Variants in NKAIN3 observed in about 807,000 individuals in gnomAD.
The protein encoded by NKAIN3 is sodium/potassium-transporting ATPase subunit beta-1-interacting protein 3.
NKAIN3 carries 25 observed loss-of-function variants against 30.2 expected under a neutral mutation model. That is an observed-to-expected ratio of 0.83 (90% CI 0.60 to 1.16). NKAIN3 has a LOEUF of 1.16. NKAIN3 is among the 50% of genes most tolerant of loss of function. The pLI, the probability that NKAIN3 is intolerant of heterozygous loss-of-function variation, is 0.00. For synonymous variants in NKAIN3, 91 were observed against 89.6 expected (o/e 1.02, Z -0.09); for missense variants, 225 against 254.1 (o/e 0.89, Z 0.78).
At chr8:62,827,792 A>G (rs1483556532) in intron 4 of NKAIN3, among the ~76,000 whole-genome samples, 3 of 152,222 alleles carry the variant, frequency 2.0e-5, no homozygotes, top group Non-Finnish European at 4.4e-5. Flanking sequence ...TCTAATAATT[A>G]ACATTAAGAA....
At chr8:62,746,891 A>G (rs1176236435) in intron 3 of NKAIN3, 41 bp from the exon 4 acceptor site, 1 of 1,436,902 alleles carries the variant, frequency 7.0e-7, no homozygotes, top group Non-Finnish European at 9.8e-7. Context: ...GTGATGTAAT[A>G]CAATTTCCTC....
chr8:62,835,311 C>A (rs1819324926), intron 4 of NKAIN3, among the ~76,000 whole-genome samples: 1 of 151,906 alleles, frequency 6.6e-6, no homozygotes, highest in South Asian at 2.1e-4. Flanking sequence ...AAAAACAAAA[C>A]TTGACAAATG....
chr8:62,396,251 G>A (rs1451889672), intron 1 of NKAIN3, among the ~76,000 whole-genome samples: 2 of 152,120 alleles, frequency 1.3e-5, no homozygotes, highest in South Asian at 4.1e-4. Flanking sequence ...CACTATAGAA[G>A]CTTCCCTTGT....
intron 1 of NKAIN3, among the ~76,000 whole-genome samples, chr8:62,423,060 G>A (rs1283599441): frequency 6.6e-6 from 1 of 152,134 alleles, no homozygotes; most frequent in South Asian, 2.1e-4. Flanking sequence ...CATTTTCAAG[G>A]TAGCTGGGAA....
chr8:62,903,920 C>A (rs1326706102), intron 4 of NKAIN3, among the ~76,000 whole-genome samples: 24 of 152,102 alleles, frequency 1.6e-4, no homozygotes, highest in Non-Finnish European at 4.4e-5. Context: ...GGGGAAACCA[C>A]CCCCATGATT....
rs1229128522 is a variant in NKAIN3 at position 62,707,449 on chromosome 8, T to C, written c.274-39483T>C. ...GCAGGAGTAAGGTAGTATCATATTG[T>C]GGTTTTGATTTGCATTTCCTGATCA... is the stretch of plus-strand genomic sequence containing the variant. On this transcript the variant is annotated intron_variant, in intron 3 of 6. Coordinates refer to ENST00000623646, the MANE Select transcript of NKAIN3 (RefSeq NM_001304533.3). Among the ~76,000 whole-genome samples the C allele has an allele frequency of 2.0e-5, 3 of 152,164 alleles. No individual in the cohort carries two copies. The East Asian group carries it at 5.8e-4, about 29-fold the overall frequency.
chr8:62,600,933 T>C (rs573888073), intron 3 of NKAIN3, among the ~76,000 whole-genome samples: 2 of 152,194 alleles, frequency 1.3e-5, no homozygotes, highest in African/African-American at 2.4e-5. Flanking sequence ...AAATTTTTTG[T>C]CTTGATCAAG....
At chr8:62,950,596 C>A (rs1823254684) in intron 5 of NKAIN3, among the ~76,000 whole-genome samples, 1 of 151,592 alleles carries the variant, frequency 6.6e-6, no homozygotes, top group African/African-American at 2.4e-5. Flanking sequence ...TTCTGATATG[C>A]AGAGAAGGTA....
At chr8:62,874,707 G>A (rs1441881592) in intron 4 of NKAIN3, among the ~76,000 whole-genome samples, 1 of 152,124 alleles carries the variant, frequency 6.6e-6, no homozygotes, top group Non-Finnish European at 1.5e-5. Flanking sequence ...CAGAACCAAA[G>A]ACAAAAACCA....
At chr8:62,254,152 TCGTGTGTG>T (rs1294756619) in intron 1 of NKAIN3, among the ~76,000 whole-genome samples, 1 of 111,668 alleles carries the variant, frequency 9.0e-6, no homozygotes, top group East Asian at 2.8e-4. Flanking sequence ...TGCTTGGGTA[TCGTGTGTG>T]TGTGTGTGTG....
chr8:62,307,437 C>T (rs1814284223), intron 1 of NKAIN3, among the ~76,000 whole-genome samples: 1 of 149,924 alleles, frequency 6.7e-6, no homozygotes, highest in South Asian at 2.1e-4. Flanking sequence ...TAATTTTCTT[C>T]TTTCCTTCTT....
intron 1 of NKAIN3, among the ~76,000 whole-genome samples, chr8:62,577,536 CTT>C (rs35130487): frequency 6.2e-4 from 69 of 111,164 alleles, no homozygotes; most frequent in Non-Finnish European, 8.6e-4. Context: ...TCAGGGTTTC[CTT>C]TTTTTTTTTT....
chr8:62,473,592 C>A (rs573610998), intron 1 of NKAIN3, among the ~76,000 whole-genome samples: 13 of 152,266 alleles, frequency 8.5e-5, no homozygotes, highest in African/African-American at 3.1e-4. Flanking sequence ...AAGAATCTTT[C>A]TTATTCATCT....
chr8:62,574,024 C>G (rs1459132405), intron 1 of NKAIN3, among the ~76,000 whole-genome samples: 1 of 152,106 alleles, frequency 6.6e-6, no homozygotes, highest in African/African-American at 2.4e-5. Context: ...TTCCTCCAAC[C>G]CCTACTACCC....
At chr8:62,465,715 A>C (rs371630567) in intron 1 of NKAIN3, among the ~76,000 whole-genome samples, 2 of 152,216 alleles carry the variant, frequency 1.3e-5, no homozygotes, top group East Asian at 3.9e-4. Flanking sequence ...AAATAAAACT[A>C]ATTCAAATAT....
intron 1 of NKAIN3, among the ~76,000 whole-genome samples, chr8:62,386,629 G>C (rs934890810): frequency 6.6e-6 from 1 of 152,136 alleles, no homozygotes. Context: ...AACCTAATAA[G>C]GTTATTAGGG....
intron 1 of NKAIN3, among the ~76,000 whole-genome samples, chr8:62,421,443 T>C (rs1381191828): frequency 6.6e-6 from 1 of 152,130 alleles, no homozygotes; most frequent in Non-Finnish European, 1.5e-5. Flanking sequence ...AGTCTAAGTG[T>C]GTATGTACTT....
rs569816171 is a variant in NKAIN3 at position 62,306,056 on chromosome 8, TAATA to T, written c.54+56933_54+56936del. 1.6e-3 allele frequency among the ~76,000 whole-genome samples: 239 copies of T among 150,794 alleles called. 20 individuals carry two copies. The highest frequency in any genetic ancestry group is 5.2e-3 in the African/African-American group (209 of 40,136). On this transcript the variant is annotated intron_variant, in intron 1 of 6. Coordinates refer to ENST00000623646, the MANE Select transcript of NKAIN3 (RefSeq NM_001304533.3). ...ATGTTTCTCTAGGAATTTTTGTCTA[TAATA>T]AATTATTTTGATTGCACATCATTTT... is the stretch of plus-strand genomic sequence containing the variant.
At chr8:62,647,624 G>A (rs1377909001) in intron 3 of NKAIN3, among the ~76,000 whole-genome samples, 1 of 152,162 alleles carries the variant, frequency 6.6e-6, no homozygotes, top group Admixed American at 6.5e-5. Flanking sequence ...GTGGAGAGGA[G>A]GGAGGACTGT....
Sources: gnomAD v4.1 joint callset for allele counts (sites outside exome capture counted in the v4.1 genomes callset) on GRCh38, gnomAD v4.1.1 for gene constraint, MANE v1.5 for transcripts, NCBI Gene and HGNC (gene_info 2026-07-23, HGNC 2026-07-21) for gene names.